Variants in PTPN4 observed in about 807,000 individuals in gnomAD.
PTPN4 encodes the protein tyrosine-protein phosphatase non-receptor type 4.
In PTPN4, 49 loss-of-function variants were observed where a neutral mutation model predicts 135.5. The observed-to-expected ratio is 0.36, with a 90% CI of 0.29 to 0.46. The LOEUF is 0.46. Ranked by LOEUF, PTPN4 falls within the 20% of genes least tolerant of loss-of-function variation. PTPN4 has a pLI of 1.00. For missense variants in PTPN4, 860 were observed against 1,101.0 expected (o/e 0.78, Z 3.10); for synonymous variants, 333 against 369.9 (o/e 0.90, Z 1.14).
At chr2:119,839,646 C>G (rs895241504) in intron 2 of PTPN4, among the ~76,000 whole-genome samples, 2 of 152,126 alleles carry the variant, frequency 1.3e-5, no homozygotes, top group East Asian at 3.8e-4. Flanking sequence ...CCAAAGTGTT[C>G]AAGTATTTCT....
At chr2:119,865,015 C>G (rs989739659) in intron 3 of PTPN4, among the ~76,000 whole-genome samples, 2 of 152,114 alleles carry the variant, frequency 1.3e-5, no homozygotes, top group African/African-American at 2.4e-5. Context: ...AAGCTACTTC[C>G]TGGCATTAGT....
intron 22 of PTPN4, among the ~76,000 whole-genome samples, chr2:119,959,130 T>C (rs556502128): frequency 1.3e-5 from 2 of 152,186 alleles, no homozygotes; most frequent in Admixed American, 1.3e-4. Context: ...GACCAAGAAA[T>C]CCCTGCAGCT....
At position 119,829,050 on chromosome 2, in the gene PTPN4, G is replaced by A. The variant is rs530020717; in HGVS notation, c.138+19059G>A. Among the ~76,000 whole-genome samples the A allele has an allele frequency of 1.8e-4, 28 of 152,072 alleles. 1 individual carries two copies. In the South Asian group the frequency reaches 5.4e-3, roughly 29 times the overall value. Reference sequence around the variant, plus strand: ...CACCCTTTATTCATTGTGTTTTTTGGGTTTTTCTTCCCATATATTTGTTGA... The same window carrying A: ...CACCCTTTATTCATTGTGTTTTTTGAGTTTTTCTTCCCATATATTTGTTGA... On this transcript the variant is annotated intron_variant, in intron 2 of 26. Coordinates refer to ENST00000263708, the MANE Select transcript of PTPN4 (RefSeq NM_002830.4).
chr2:119,801,848 T>G (rs1691377884), intron 1 of PTPN4, among the ~76,000 whole-genome samples: 1 of 151,986 alleles, frequency 6.6e-6, no homozygotes, highest in African/African-American at 2.4e-5. Context: ...AATGTTTAAT[T>G]TATTCCTGTA....
At chr2:119,763,241 G>A (rs1381933464) in intron 1 of PTPN4, among the ~76,000 whole-genome samples, 1 of 152,158 alleles carries the variant, frequency 6.6e-6, no homozygotes, top group African/African-American at 2.4e-5. Context: ...TTGGAAGAGA[G>A]ATGCAAGTAT....
rs1457060082 is a variant in PTPN4 at position 119,809,985 on chromosome 2, A to T, written c.132A>T (p.Lys44Asn). 6.2e-7 allele frequency: 1 copy of T among 1,604,928 alleles called. No individual in the cohort carries two copies. The highest frequency in any genetic ancestry group is 1.3e-5 in the African/African-American group (1 of 74,456). ...TGGATAACACTGTACAAGCTTTCAA[A>T]GTCAATGTAAGTATTTTGTGTCTTT... Reference protein sequence around the residue: ...LLLDNTVQAFKVNKHDQGQVL... With the variant: ...LLLDNTVQAFNVNKHDQGQVL... Residue 44 changes from lysine to asparagine, a missense_variant, in exon 2 of 27, where the codon AAA (lysine) becomes AAT (asparagine). By Grantham distance (94) the Lys-to-Asn change is moderately conservative. Coordinates refer to ENST00000263708, the MANE Select transcript of PTPN4 (RefSeq NM_002830.4).
intron 1 of PTPN4, among the ~76,000 whole-genome samples, chr2:119,782,188 G>A (rs540354630): frequency 8.7e-4 from 132 of 152,182 alleles, no homozygotes; most frequent in African/African-American, 3.1e-3. Context: ...AGGCCAAAGC[G>A]GGCAGATCAC....
At chr2:119,761,329 T>C (rs114391585) in intron 1 of PTPN4, among the ~76,000 whole-genome samples, 2,570 of 152,296 alleles carry the variant, frequency 0.017, 42 homozygotes, top group Non-Finnish European at 0.027. Flanking sequence ...TTCTGAACTT[T>C]AACGTGCCAG....
intron 9 of PTPN4, among the ~76,000 whole-genome samples, chr2:119,888,436 G>A (rs894531111): frequency 7.9e-5 from 12 of 152,058 alleles, no homozygotes; most frequent in Non-Finnish European, 1.6e-4. Context: ...TTCTTAGGGG[G>A]AACAATTTCA....
chr2:119,823,139 G>A (rs1574353008), intron 2 of PTPN4, among the ~76,000 whole-genome samples: 1 of 151,404 alleles, frequency 6.6e-6, no homozygotes, highest in South Asian at 2.1e-4. Flanking sequence ...GGCTCATTTT[G>A]TTTGACCTCT....
intron 1 of PTPN4, among the ~76,000 whole-genome samples, chr2:119,767,735 C>G (rs909341513): frequency 3.9e-5 from 6 of 152,208 alleles, no homozygotes; most frequent in Non-Finnish European, 7.4e-5. Context: ...CATGTGCAGA[C>G]CGAGTGCATT....
At chr2:119,954,844 C>T (rs905118179) in intron 19 of PTPN4, among the ~76,000 whole-genome samples, 1 of 152,150 alleles carries the variant, frequency 6.6e-6, no homozygotes, top group African/African-American at 2.4e-5. Flanking sequence ...GCCCTAGGTC[C>T]CCTACAAATT....
chr2:119,880,637 C>T (rs1472198727), intron 5 of PTPN4, among the ~76,000 whole-genome samples: 3 of 151,524 alleles, frequency 2.0e-5, no homozygotes, highest in Admixed American at 6.6e-5. Flanking sequence ...GGGGTTTCAC[C>T]GTGTTAGCCA....
At chr2:119,945,308 G>T in intron 16 of PTPN4, 68 bp downstream of exon 16, 1 of 1,406,042 alleles carries the variant, frequency 7.1e-7, no homozygotes, top group Non-Finnish European at 9.5e-7. Flanking sequence ...AATTTCTTTT[G>T]TACTTTGGCA....
chr2:119,900,571 C>T, intron 9 of PTPN4, 147 bp from the exon 10 acceptor site: 1 of 436,128 alleles, frequency 2.3e-6, no homozygotes. Flanking sequence ...TAATAAGTAC[C>T]ATTTGGGTTT....
chr2:119,798,193 T>A (rs1691298450), intron 1 of PTPN4, among the ~76,000 whole-genome samples: 1 of 149,856 alleles, frequency 6.7e-6, no homozygotes, highest in Non-Finnish European at 1.5e-5. Flanking sequence ...TGAGACGGAG[T>A]TTTGCGCTTG....
At chr2:119,906,648 T>A (rs1476430203) in intron 10 of PTPN4, among the ~76,000 whole-genome samples, 1 of 152,146 alleles carries the variant, frequency 6.6e-6, no homozygotes, top group Admixed American at 6.5e-5. Flanking sequence ...ACAAATTAGG[T>A]GTAGAAGAAA....
chr2:119,956,724 A>G lies in PTPN4; in HGVS notation c.1981-120A>G, dbSNP rs114983671. 3,765 of 1,511,090 alleles carry G rather than the reference A, an allele frequency of 2.5e-3. 80 individuals are homozygous for G. In the African/African-American group the frequency reaches 0.042, roughly 17 times the overall value. The allele number at this position is 1,511,090 out of a possible 1,614,324, so 93.6% of individuals were successfully genotyped here. On this transcript the variant is annotated intron_variant, in intron 20 of 26. Transcript: ENST00000263708. ...ACTAGACTATGGTATATCATTGTAT[A>G]GATGACCTATTCAAAGGCAAAGAAA...
intron 10 of PTPN4, among the ~76,000 whole-genome samples, chr2:119,911,330 A>G (rs576057647): frequency 1.3e-5 from 2 of 152,302 alleles, no homozygotes; most frequent in South Asian, 4.1e-4. Context: ...TTTTAAGAAT[A>G]TAAGGTTGCT....
Sources: allele counts gnomAD v4.1 joint callset (sites outside exome capture counted in the v4.1 genomes callset), GRCh38; gene constraint gnomAD v4.1.1; transcripts MANE v1.5; gene names NCBI Gene and HGNC (gene_info 2026-07-23, HGNC 2026-07-21).